The following RGS6 variants were observed in gnomAD, a reference collection of about 807,000 sequenced individuals.
The protein encoded by RGS6 is regulator of G-protein signaling 6.
In RGS6, 30 loss-of-function variants were observed where a neutral mutation model predicts 78.5. That is an observed-to-expected ratio of 0.38 (90% confidence interval 0.29 to 0.52). The LOEUF is 0.52. Ranked by LOEUF, RGS6 falls within the 20% of genes least tolerant of loss-of-function variation. The pLI is 0.85. For missense variants in RGS6, 495 were observed against 609.7 expected (o/e 0.81, Z 1.98); for synonymous variants, 206 against 206.0 (o/e 1.00, Z 0.00).
Position 72,518,486 on chromosome 14 carries a change from A to G in RGS6, c.1227A>G (p.Ile409Met), listed in dbSNP as rs2153461479. The G allele has an allele frequency of 6.2e-7, 1 of 1,614,234 alleles. No individual in the cohort carries two copies. Among genetic ancestry groups the G allele is most frequent in the East Asian group, 2.2e-5 (1 of 44,886 alleles). Residue 409 changes from isoleucine to methionine, a missense_variant, in exon 15 of 18, where the codon ATA becomes ATG. By Grantham distance (10) the Ile-to-Met change is conservative. Transcript: ENST00000553525. ...ACCTGGATTCTCACAGCTATGAGAT[A>G]ACCAGTCAAAATGTCAAAGATGGAG... is the stretch of plus-strand genomic sequence containing the variant. ...AINLDSHSYE[I>M]TSQNVKDGGR... is the part of the protein sequence containing the mutation.
At chr14:72,129,598 G>A (rs1479643417) in intron 2 of RGS6, among the ~76,000 whole-genome samples, 1 of 152,184 alleles carries the variant, frequency 6.6e-6, no homozygotes, top group Non-Finnish European at 1.5e-5. Context: ...AACTGGAACT[G>A]AGGTTTCCGG....
chr14:71,887,527 G>C, the RGS6 span, among the ~76,000 whole-genome samples: 9 of 152,098 alleles, frequency 5.9e-5, no homozygotes, highest in African/African-American at 9.7e-5. Context: ...ATGCATTCCT[G>C]GGGGGAGGTC....
chr14:72,429,045 CA>C (rs975799546), intron 3 of RGS6, among the ~76,000 whole-genome samples: 1 of 152,006 alleles, frequency 6.6e-6, no homozygotes, highest in African/African-American at 2.4e-5. Flanking sequence ...TACTAAAATA[CA>C]AAAAAAGTTT....
intron 2 of RGS6, among the ~76,000 whole-genome samples, chr14:72,182,713 C>G (rs1567403238): frequency 6.6e-6 from 1 of 152,104 alleles, no homozygotes; most frequent in South Asian, 2.1e-4. Context: ...GAGAAGTGCT[C>G]CCACTATTTT....
chr14:72,093,728 A>C (rs1252068187), intron 2 of RGS6, among the ~76,000 whole-genome samples: 1 of 152,042 alleles, frequency 6.6e-6, no homozygotes, highest in Admixed American at 6.5e-5. Flanking sequence ...TGTTGCTGTC[A>C]TGGTCATTGC....
intron 3 of RGS6, among the ~76,000 whole-genome samples, chr14:72,419,374 A>C (rs561656641): frequency 1.3e-5 from 2 of 152,186 alleles, no homozygotes; most frequent in Non-Finnish European, 2.9e-5. Context: ...AAGTTCAGCA[A>C]CTTGTCCAAG....
intron 2 of RGS6, among the ~76,000 whole-genome samples, chr14:71,976,479 T>TC (rs2094138557): frequency 2.0e-5 from 3 of 148,828 alleles, no homozygotes; most frequent in Non-Finnish European, 4.4e-5. Flanking sequence ...ATCTCATTGT[T>TC]CAGTTCCCAC....
chr14:72,331,580 A>T (rs2075049378), intron 2 of RGS6, among the ~76,000 whole-genome samples: 1 of 152,112 alleles, frequency 6.6e-6, no homozygotes, highest in Admixed American at 6.5e-5. Flanking sequence ...TTGAGACCGC[A>T]GTTCCATAGC....
chr14:71,916,699 C>T, the RGS6 span, among the ~76,000 whole-genome samples: 10 of 152,238 alleles, frequency 6.6e-5, no homozygotes, highest in East Asian at 1.9e-3. Flanking sequence ...CAAGCACCCC[C>T]GGGGTAAACT....
chr14:71,930,713 TG>T (rs2087801309), upstream of RGS6, among the ~76,000 whole-genome samples: 1 of 151,936 alleles, frequency 6.6e-6, no homozygotes, highest in Non-Finnish European at 1.5e-5. Context: ...CTGGGTGTGG[TG>T]GCTCAAGTCT....
At chr14:72,601,849 T>C in the RGS6 span, among the ~76,000 whole-genome samples, 1 of 152,174 alleles carries the variant, frequency 6.6e-6, no homozygotes, top group Non-Finnish European at 1.5e-5. Flanking sequence ...CAACCTAAGG[T>C]TCAAATTAGC....
chr14:72,255,492 G>A (rs2056877993), intron 2 of RGS6, among the ~76,000 whole-genome samples: 1 of 152,186 alleles, frequency 6.6e-6, no homozygotes, highest in Non-Finnish European at 1.5e-5. Context: ...ATTTTGTCTA[G>A]TAATAGTGAA....
At chr14:72,528,515 T>C (rs2097144982) in intron 15 of RGS6, among the ~76,000 whole-genome samples, 1 of 152,204 alleles carries the variant, frequency 6.6e-6, no homozygotes, top group African/African-American at 2.4e-5. Context: ...AGAACCACCC[T>C]CATCTTCTTT....
chr14:72,541,949 G>C (rs1054801596), intron 17 of RGS6, among the ~76,000 whole-genome samples: 4 of 152,084 alleles, frequency 2.6e-5, no homozygotes, highest in African/African-American at 9.7e-5. Context: ...GTTCTCCCAA[G>C]GTCTGTTAGC....
intron 15 of RGS6, among the ~76,000 whole-genome samples, chr14:72,521,254 A>G (rs952863250): frequency 6.6e-6 from 1 of 152,218 alleles, no homozygotes; most frequent in African/African-American, 2.4e-5. Context: ...CATTTGCTTT[A>G]TACTACACAG....
At chr14:72,199,839 G>A (rs1466373901) in intron 2 of RGS6, among the ~76,000 whole-genome samples, 2 of 152,152 alleles carry the variant, frequency 1.3e-5, no homozygotes, top group Non-Finnish European at 2.9e-5. Flanking sequence ...ACCAAACACA[G>A]CCCACAGTCT....
intron 2 of RGS6, among the ~76,000 whole-genome samples, chr14:72,025,540 T>C (rs1478180716): frequency 3.9e-5 from 6 of 151,988 alleles, no homozygotes; most frequent in African/African-American, 7.2e-5. Flanking sequence ...GGAATGGAGA[T>C]AGGGGATTTC....
At chr14:72,598,805 T>C in the RGS6 span, among the ~76,000 whole-genome samples, 1 of 152,232 alleles carries the variant, frequency 6.6e-6, no homozygotes, top group African/African-American at 2.4e-5. Flanking sequence ...GGGCTTTCTA[T>C]GTCTCCCTAT....
At chr14:72,538,809 A>C (rs76675695) in intron 16 of RGS6, among the ~76,000 whole-genome samples, 163 of 152,302 alleles carry the variant, frequency 1.1e-3, no homozygotes, top group African/African-American at 3.8e-3. Context: ...GCAACCTCAT[A>C]TCTGTCTTCT....
Sources: gnomAD v4.1 joint callset for allele counts (sites outside exome capture counted in the v4.1 genomes callset) on GRCh38, gnomAD v4.1.1 for gene constraint, MANE v1.5 for transcripts, NCBI Gene and HGNC (gene_info 2026-07-23, HGNC 2026-07-21) for gene names.